The following CREB3L3 variants were observed in gnomAD, a reference collection of about 807,000 sequenced individuals.
CREB3L3 encodes the protein cAMP responsive element binding protein 3 like 3.
CREB3L3 carries 40 observed loss-of-function variants against 44.6 expected under a neutral mutation model. That is an observed-to-expected ratio of 0.90 (90% confidence interval 0.70 to 1.17). CREB3L3 has a LOEUF of 1.17. Ranked by LOEUF, CREB3L3 falls within the 50% of genes most tolerant of loss-of-function variation. The pLI, the probability that CREB3L3 is intolerant of heterozygous loss-of-function variation, is 0.00. For missense variants in CREB3L3, 578 were observed against 595.8 expected, an observed-to-expected ratio of 0.97 and a Z score of 0.31; for synonymous variants, 273 against 256.3, an observed-to-expected ratio of 1.06 and a Z score of -0.62.
chr19:4,160,715 C>T (rs908639698), intron 4 of CREB3L3, among the ~76,000 whole-genome samples: 1 of 150,414 alleles, frequency 6.6e-6, no homozygotes, highest in Non-Finnish European at 1.5e-5. Flanking sequence ...ACCACCAGGC[C>T]TGGCTAATTT....
rs536946685 is a variant in CREB3L3 at position 4,163,177 on chromosome 19, G to A, written c.577-1326G>A. ...CAAAAAATTAGCCGGGCGTGGTGGC[G>A]GGCACCTGTAGTCCCAGCTACTCAG... On this transcript the variant is annotated intron_variant, in intron 4 of 9. Transcript: ENST00000078445. Among the ~76,000 whole-genome samples the A allele has an allele frequency of 5.3e-5, 8 of 151,698 alleles. No homozygotes were observed. In the South Asian group the frequency reaches 1.5e-3, roughly 28 times the overall value.
At chr19:4,170,115 T>A in intron 6 of CREB3L3, 25 bp from the exon 7 acceptor site, 2 of 1,613,078 alleles carry the variant, frequency 1.2e-6, no homozygotes, top group Non-Finnish European at 1.7e-6. Context: ...ATATGCTGAA[T>A]GTCGATGCGT....
chr19:4,163,792 C>T (rs1395885608), intron 4 of CREB3L3, among the ~76,000 whole-genome samples: 2 of 150,098 alleles, frequency 1.3e-5, no homozygotes, highest in African/African-American at 2.5e-5. Context: ...GGACTACAGA[C>T]GTGAGCCACC....
chr19:4,168,306 G>C (rs1275096791), intron 5 of CREB3L3, 45 bp from the exon 6 acceptor site: 1 of 1,509,548 alleles, frequency 6.6e-7, no homozygotes, highest in Non-Finnish European at 9.2e-7. Flanking sequence ...GACTCCAAGT[G>C]GGGACTTTCT....
chr19:4,164,392 G>A, intron 4 of CREB3L3, 111 bp from the exon 5 acceptor site: 2 of 1,381,274 alleles, frequency 1.4e-6, no homozygotes, highest in Non-Finnish European at 2.0e-6. Context: ...ACAGGCGTGA[G>A]CCACCACACC....
rs185074573 is a variant in CREB3L3 at position 4,164,394 on chromosome 19, C to T, written c.577-109C>T. On this transcript the variant is annotated intron_variant, in intron 4 of 9. Coordinates refer to ENST00000078445, the MANE Select transcript of CREB3L3 (RefSeq NM_032607.3). ...AAGTGCTGGGATGACAGGCGTGAGC[C>T]ACCACACCCAGCCTGGGGTGATAGT... 132 of 1,402,342 alleles carry T rather than the reference C, an allele frequency of 9.4e-5. 1 individual carries two copies. In the East Asian group the frequency reaches 3.0e-3, roughly 32 times the overall value. 86.9% of individuals were successfully genotyped at this position (1,402,342 alleles called of 1,614,324 possible).
intron 5 of CREB3L3, among the ~76,000 whole-genome samples, chr19:4,167,389 AAAAGAAAGAAAG>A: frequency 6.6e-6 from 1 of 151,030 alleles, no homozygotes; most frequent in South Asian, 2.1e-4. Flanking sequence ...GGAAGGAAAG[AAAAGAAAGAAAG>A]AAAGAAAGGA....
chr19:4,156,892 C>G (rs2145119658), intron 2 of CREB3L3, 103 bp from the exon 3 acceptor site: 1 of 1,195,820 alleles, frequency 8.4e-7, no homozygotes, highest in East Asian at 2.4e-5. Context: ...AAGGGAAGGA[C>G]ACCTAAGGCC....
chr19:4,158,081 C>G (rs181336144), intron 3 of CREB3L3, among the ~76,000 whole-genome samples: 2 of 152,148 alleles, frequency 1.3e-5, no homozygotes, highest in Non-Finnish European at 2.9e-5. Context: ...ATGATTTACT[C>G]TATTGATTAA....
At chr19:4,168,597 AC>A in intron 6 of CREB3L3, 140 bp downstream of exon 6, 1 of 696,558 alleles carries the variant, frequency 1.4e-6, no homozygotes, top group Non-Finnish European at 2.5e-6. Flanking sequence ...CATGCTTCTT[AC>A]TGATTGCAGG....
At position 4,171,816 on chromosome 19, in the gene CREB3L3, G is replaced by A; in HGVS notation, c.1233G>A (p.Leu411=). The A allele has an allele frequency of 6.2e-7, 1 of 1,613,648 alleles. No homozygotes were observed. The highest frequency in any genetic ancestry group is 1.1e-5 in the South Asian group (1 of 91,084). ...GGGGCTTCCAGGACACCGCGAACCT[G>A]ACCAATTCGACGGAGGAGCTGGACA... is the stretch of plus-strand genomic sequence containing the variant. ...ADWGFQDTAN[L]TNSTEELDNA... Residue 411 remains leucine (L), a synonymous_variant, in exon 10 of 10, where the codon CTG becomes CTA. Coordinates refer to ENST00000078445, the MANE Select transcript of CREB3L3 (RefSeq NM_032607.3). The surrounding 1 kb of genome is among the most constrained non-coding windows in gnomAD (Gnocchi z 4.9).
rs894204869 is a variant in CREB3L3 at position 4,171,466 on chromosome 19, T to G, written c.1059T>G (p.Phe353Leu). Reference protein sequence around the residue: ...GPNKTESPGDFAPVRVFSRTL... With the variant: ...GPNKTESPGDLAPVRVFSRTL... ...ACAAAACCGAGAGCCCTGGGGACTT[T>G]GCGCCTGTACGAGGTAGGGGATCCC... The change falls in exon 9 of 10, where the codon TTT becomes TTG. Residue 353 changes from phenylalanine (F) to leucine (L), a missense_variant. Physicochemically the swap from Phe to Leu is conservative, Grantham distance 22 (BLOSUM62 0). Transcript: ENST00000078445. The surrounding 1 kb of genome is among the most constrained non-coding windows in gnomAD (Gnocchi z 4.9). The G allele has an allele frequency of 1.2e-6, 2 of 1,613,948 alleles. No homozygotes were observed. Among genetic ancestry groups the G allele is most frequent in the Non-Finnish European group, 1.7e-6 (2 of 1,180,006 alleles).
At chr19:4,164,421 T>C in intron 4 of CREB3L3, 82 bp from the exon 5 acceptor site, 1 of 1,577,548 alleles carries the variant, frequency 6.3e-7, no homozygotes, top group Non-Finnish European at 8.7e-7. Flanking sequence ...GGTGATAGTG[T>C]TTTCGATCTG....
Position 4,157,054 on chromosome 19 carries a change from C to T in CREB3L3, c.216C>T (p.Asp72=). The part of the protein sequence containing the change: ...DFLSSILGSG[D]SLPSSPLWSP... Reference sequence around the variant, plus strand: ...TCAGCTCCATCCTGGGCTCTGGAGACTCACTGCCCAGCTCCCCACTCTGGT... The same window carrying T: ...TCAGCTCCATCCTGGGCTCTGGAGATTCACTGCCCAGCTCCCCACTCTGGT... Residue 72 remains aspartate (D), a synonymous_variant, in exon 3 of 10, where the codon GAC becomes GAT. Coordinates refer to ENST00000078445, the MANE Select transcript of CREB3L3 (RefSeq NM_032607.3). 6.2e-7 allele frequency: 1 copy of T among 1,614,110 alleles called. No homozygotes were observed. Among genetic ancestry groups the T allele is most frequent in the South Asian group, 1.1e-5 (1 of 91,082 alleles).
chr19:4,154,898 G>A lies in CREB3L3; in HGVS notation c.28-1G>A. On this transcript the variant is annotated splice_acceptor_variant, in intron 1 of 9. Coordinates refer to ENST00000078445, the MANE Select transcript of CREB3L3 (RefSeq NM_032607.3). LOFTEE classifies it high-confidence loss of function. Reference sequence around the variant, plus strand: ...CCTCACATCTGTTCCTCGCGCCCCAGATGGCTTCTGCTGCCTGCTCCATGG... The same window carrying A: ...CCTCACATCTGTTCCTCGCGCCCCAAATGGCTTCTGCTGCCTGCTCCATGG... The A allele has an allele frequency of 6.2e-7, 1 of 1,613,962 alleles. No individual in the cohort carries two copies. Among genetic ancestry groups the A allele is most frequent in the Non-Finnish European group, 8.5e-7 (1 of 1,180,026 alleles).
chr19:4,161,139 T>C (rs572359530), intron 4 of CREB3L3, among the ~76,000 whole-genome samples: 2 of 152,204 alleles, frequency 1.3e-5, no homozygotes, highest in East Asian at 3.9e-4. Flanking sequence ...TTTTTTTGTA[T>C]TTTTAGTGGA....
chr19:4,171,503 C>A lies in CREB3L3; in HGVS notation c.1072+24C>A, dbSNP rs1568286204. 6.2e-7 allele frequency: 1 copy of A among 1,611,968 alleles called. No homozygotes were observed. The highest frequency in any genetic ancestry group is 8.5e-7 in the Non-Finnish European group (1 of 1,178,114). ...AGGTAGGGGATCCCCACCTTTGAAA[C>A]CCTTGTCTGGTCTCCCCAAGTCCCC... On this transcript the variant is annotated intron_variant, in intron 9 of 9. Coordinates refer to ENST00000078445, the MANE Select transcript of CREB3L3 (RefSeq NM_032607.3). This position sits in a 1 kb window ranked among gnomAD's most constrained non-coding sequence, Gnocchi z 4.9.
Position 4,171,600 on chromosome 19 carries a change from G to A in CREB3L3, c.1073-56G>A. The A allele has an allele frequency of 1.2e-6, 2 of 1,604,718 alleles. No homozygotes were observed. Among genetic ancestry groups the A allele is most frequent in the Admixed American group, 1.7e-5 (1 of 59,982 alleles). ...CCCTGAGGCTGGGGGCCAGGGAAGG[G>A]AGCATAGGACCCCACCTCCACCTTG... is the stretch of plus-strand genomic sequence containing the variant. On this transcript the variant is annotated intron_variant, in intron 9 of 9. Coordinates refer to ENST00000078445, the MANE Select transcript of CREB3L3 (RefSeq NM_032607.3). The surrounding 1 kb of genome is among the most constrained non-coding windows in gnomAD (Gnocchi z 4.9).
At chr19:4,157,406 G>A in intron 3 of CREB3L3, 111 bp downstream of exon 3, 1 of 1,209,458 alleles carries the variant, frequency 8.3e-7, no homozygotes, top group Non-Finnish European at 1.2e-6. Flanking sequence ...AGGTCACACA[G>A]CAATTTGGAG....
Sources: gnomAD v4.1 joint callset for allele counts (sites outside exome capture counted in the v4.1 genomes callset) on GRCh38, gnomAD v4.1.1 for gene constraint, Gnocchi (gnomAD v3.1) non-coding constraint, MANE v1.5 for transcripts, NCBI Gene and HGNC (gene_info 2026-07-23, HGNC 2026-07-21) for gene names.